Variants in ARHGAP32 observed in about 807,000 individuals in gnomAD.
The protein encoded by ARHGAP32 is rho GTPase-activating protein 32.
Under a neutral mutation model 186.5 loss-of-function variants are expected in ARHGAP32, and 51 were observed. That is an observed-to-expected ratio of 0.27 (90% CI 0.22 to 0.35). The LOEUF (loss-of-function observed/expected upper bound fraction) is 0.35. Among genes scored for constraint, ARHGAP32 ranks in the 10% least tolerant of loss-of-function variants. The probability of loss-of-function intolerance (pLI) is 1.00; values close to 1 mark genes in which losing one functional copy is unlikely to be tolerated. For missense variants in ARHGAP32, 2,186 were observed against 2,623.5 expected (o/e 0.83, Z 3.64); for synonymous variants, 950 against 964.3 (o/e 0.99, Z 0.27).
intron 1 of ARHGAP32, among the ~76,000 whole-genome samples, chr11:129,241,594 G>A (rs1407683295): frequency 4.6e-5 from 7 of 152,010 alleles, no homozygotes; most frequent in African/African-American, 1.5e-4. Flanking sequence ...GCAGTGAGAC[G>A]TGATGACACC....
At chr11:129,046,675 T>C (rs1565394392) in intron 10 of ARHGAP32, among the ~76,000 whole-genome samples, 1 of 152,230 alleles carries the variant, frequency 6.6e-6, no homozygotes, top group East Asian at 1.9e-4. Flanking sequence ...AAAGGAATAT[T>C]AGAGAAGAAA....
intron 1 of ARHGAP32, among the ~76,000 whole-genome samples, chr11:129,271,592 G>C (rs982371091): frequency 6.6e-6 from 1 of 152,122 alleles, no homozygotes; most frequent in African/African-American, 2.4e-5. Flanking sequence ...GGGGAAAAAA[G>C]TCAGTACTAG....
At chr11:129,177,731 T>C (rs1943952237) in intron 1 of ARHGAP32, among the ~76,000 whole-genome samples, 1 of 152,166 alleles carries the variant, frequency 6.6e-6, no homozygotes, top group Non-Finnish European at 1.5e-5. Flanking sequence ...TTGACAAAAT[T>C]CAACAGCCCT....
intron 2 of ARHGAP32, among the ~76,000 whole-genome samples, chr11:129,127,299 C>A (rs892969122): frequency 3.3e-5 from 5 of 152,164 alleles, no homozygotes; most frequent in African/African-American, 1.2e-4. Context: ...GACGGGAAAA[C>A]CTCTGCCTAA....
At chr11:129,109,442 T>C (rs528255029) in intron 5 of ARHGAP32, among the ~76,000 whole-genome samples, 1 of 152,178 alleles carries the variant, frequency 6.6e-6, no homozygotes, top group Non-Finnish European at 1.5e-5. Flanking sequence ...ACATATGCAG[T>C]AGTGTAATTG....
chr11:129,164,387 C>T lies in ARHGAP32; in HGVS notation c.157G>A (p.Val53Ile), dbSNP rs1350409284. 6 of 1,578,148 alleles carry T rather than the reference C, an allele frequency of 3.8e-6. No homozygotes were observed. The highest frequency in any genetic ancestry group is 5.2e-6 in the Non-Finnish European group (6 of 1,160,442). The change falls in exon 2 of 23, where the codon GTT becomes ATT. Residue 53 changes from valine (V) to isoleucine (I), a missense_variant. Physicochemically the swap from Val to Ile is conservative, Grantham distance 29 (BLOSUM62 3). Coordinates refer to ENST00000682385, the MANE Select transcript of ARHGAP32 (RefSeq NM_001378024.1). ...TGTACATTTCTATGTAGCTCTGGAA[C>T]AAAATCATCTTCTTCAGAATGTACT... ...SSVHSEEDDF[V>I]PELHRNVHPR...
At chr11:129,269,792 A>T (rs955547225) in intron 1 of ARHGAP32, among the ~76,000 whole-genome samples, 3 of 152,222 alleles carry the variant, frequency 2.0e-5, no homozygotes, top group Non-Finnish European at 4.4e-5. Flanking sequence ...ACGTGCTTTT[A>T]TTCAAAGGGA....
rs1157620086 is a variant in ARHGAP32 at position 128,970,659 on chromosome 11, G to A, written c.4554C>T (p.Pro1518=). The A allele has an allele frequency of 1.9e-6, 3 of 1,614,024 alleles. No individual in the cohort carries two copies. The highest frequency in any genetic ancestry group is 2.7e-5 in the African/African-American group (2 of 74,900). ...TATTGTGATGGGGAGGTACACTCTG[G>A]GGACGGTACTGGCAGTTTGGAGTCA... The part of the protein sequence containing the change: ...FNMTPNCQYR[P]QSVPPHHNKL... Residue 1518 remains proline (P), a synonymous_variant, in exon 23 of 23, where the codon CCC becomes CCT. Transcript: ENST00000682385. The surrounding 1 kb of genome is among the most constrained non-coding windows in gnomAD (Gnocchi z 5.8).
At position 128,980,572 on chromosome 11, in the gene ARHGAP32, T is replaced by C; in HGVS notation, c.1957A>G (p.Ile653Val). The change falls in exon 18 of 23, where the codon ATT (isoleucine) becomes GTT (valine). Residue 653 changes from isoleucine (I) to valine (V), a missense_variant. Ile to Val is a conservative substitution (Grantham distance 29, BLOSUM62 3). Around this residue, in one of 5 missense-constraint regions of ARHGAP32, gnomAD observed 263 missense variants for 323.5 expected, o/e 0.81. Transcript: ENST00000682385. ...TTTTACCTTTCAAGTGGGAACTCAA[T>C]TATGGTATGAAATTTCCCCTGAAGT... ...AALQGKFHTI[I>V]EFPLERKRPQ... The C allele has an allele frequency of 1.9e-6, 3 of 1,612,312 alleles. No individual in the cohort carries two copies. Among genetic ancestry groups the C allele is most frequent in the Non-Finnish European group, 2.5e-6 (3 of 1,179,210 alleles).
At chr11:129,201,184 C>A (rs746052276) in intron 1 of ARHGAP32, among the ~76,000 whole-genome samples, 1 of 152,064 alleles carries the variant, frequency 6.6e-6, no homozygotes, top group East Asian at 1.9e-4. Flanking sequence ...ATTTCATAAC[C>A]GTATGAATAA....
At chr11:129,170,573 T>G (rs912859414) in intron 1 of ARHGAP32, among the ~76,000 whole-genome samples, 4 of 152,216 alleles carry the variant, frequency 2.6e-5, no homozygotes, top group African/African-American at 4.8e-5. Context: ...CTTTATCCAG[T>G]CTGTCACTGA....
rs565262940 is a variant in ARHGAP32, at chr11:129,063,640, G to GTAT, written c.885+259_885+261dup. Reference sequence around the variant, plus strand: ...TGACATTCAATTCAGGTTTTGGGGGGTATGTATTTGCATGGAGTGAGGGGA... The same window carrying GTAT: ...TGACATTCAATTCAGGTTTTGGGGGGTATTATGTATTTGCATGGAGTGAGGGGA... On this transcript the variant is annotated intron_variant, in intron 9 of 22. Transcript: ENST00000682385. Among the ~76,000 whole-genome samples, 40 of 152,148 alleles carry GTAT rather than the reference G, an allele frequency of 2.6e-4. No individual in the cohort carries two copies. The South Asian group carries it at 4.2e-3, about 16-fold the overall frequency.
intron 1 of ARHGAP32, among the ~76,000 whole-genome samples, chr11:129,188,453 G>T (rs1450392448): frequency 6.6e-6 from 1 of 152,142 alleles, no homozygotes; most frequent in Non-Finnish European, 1.5e-5. Flanking sequence ...GATCGCCTGG[G>T]CCTGGGAGTT....
intron 11 of ARHGAP32, among the ~76,000 whole-genome samples, chr11:129,025,903 TTAAG>T (rs1938823485): frequency 6.7e-6 from 1 of 149,480 alleles, no homozygotes; most frequent in African/African-American, 2.4e-5. Context: ...ACATATATAT[TTAAG>T]TAATACATGT....
intron 6 of ARHGAP32, among the ~76,000 whole-genome samples, chr11:129,076,810 T>A (rs1339958076): frequency 6.6e-6 from 1 of 152,084 alleles, no homozygotes; most frequent in African/African-American, 2.4e-5. Context: ...GAGGCTCACA[T>A]CATGAACTCT....
At chr11:129,174,252 A>C (rs1171771182) in intron 1 of ARHGAP32, among the ~76,000 whole-genome samples, 2 of 152,190 alleles carry the variant, frequency 1.3e-5, no homozygotes, top group Non-Finnish European at 2.9e-5. Context: ...AAAATGGCGC[A>C]CCAGGACATT....
chr11:128,978,697 T>G, intron 19 of ARHGAP32, 73 bp downstream of exon 19: 1 of 1,463,056 alleles, frequency 6.8e-7, no homozygotes, highest in East Asian at 2.4e-5. Context: ...CATAACAATA[T>G]GTGAAGAACG....
At chr11:129,093,589 A>G (rs1025018055) in intron 6 of ARHGAP32, 32 bp downstream of exon 6, 7 of 1,467,408 alleles carry the variant, frequency 4.8e-6, no homozygotes, top group Non-Finnish European at 6.6e-6. Context: ...TCTTAACTTC[A>G]TATGAAATGG....
chr11:129,143,471 C>T (rs1172014251), intron 2 of ARHGAP32, among the ~76,000 whole-genome samples: 1 of 152,174 alleles, frequency 6.6e-6, no homozygotes, highest in African/African-American at 2.4e-5. Flanking sequence ...CTCCGTCCCG[C>T]CTGGAACATG....
Sources: allele counts gnomAD v4.1 joint callset (sites outside exome capture counted in the v4.1 genomes callset), GRCh38; gene constraint gnomAD v4.1.1; regional missense constraint gnomAD v4.1.1; non-coding constraint Gnocchi (gnomAD v3.1); transcripts MANE v1.5; gene names NCBI Gene and HGNC (gene_info 2026-07-23, HGNC 2026-07-21).